GRM7: variants seen among roughly 807,000 people sequenced by gnomAD.
GRM7 encodes metabotropic glutamate receptor 7.
In GRM7, 35 loss-of-function variants were observed where a neutral mutation model predicts 84.5. The observed-to-expected ratio is 0.41, with a 90% CI of 0.32 to 0.55. The LOEUF is 0.55. GRM7 is among the 20% of genes least tolerant of loss of function. The pLI is 0.19. For missense variants in GRM7, 1,003 were observed against 1,194.6 expected (o/e 0.84, Z 2.36); for synonymous variants, 487 against 455.1 (o/e 1.07, Z -0.89).
chr3:7,487,197 A>G (rs545980232), intron 7 of GRM7, among the ~76,000 whole-genome samples: 2 of 152,192 alleles, frequency 1.3e-5, no homozygotes, highest in Admixed American at 1.3e-4. Flanking sequence ...CTGTGTGGCT[A>G]CTTTTGGCTG....
rs183787890 is a variant in GRM7, at chr3:6,934,693, C to T, written c.519+72786C>T. Among the ~76,000 whole-genome samples the T allele has an allele frequency of 5.6e-3, 847 of 152,150 alleles. 32 individuals are homozygous for T. Among genetic ancestry groups the T allele is most frequent in the Admixed American group, 0.05 (766 of 15,294 alleles). Reference sequence around the variant, plus strand: ...TGTTGTGGTGCAGGTGAGACATGATCTAGTTTAAATGAGGACGGTGGCAGG... The same window carrying T: ...TGTTGTGGTGCAGGTGAGACATGATTTAGTTTAAATGAGGACGGTGGCAGG... On this transcript the variant is annotated intron_variant, in intron 1 of 9. Coordinates refer to ENST00000357716, the MANE Select transcript of GRM7 (RefSeq NM_000844.4).
intron 7 of GRM7, among the ~76,000 whole-genome samples, chr3:7,485,995 G>A (rs1189640153): frequency 6.6e-6 from 1 of 151,870 alleles, no homozygotes; most frequent in African/African-American, 2.4e-5. Flanking sequence ...AATGTGTAAG[G>A]GCACATATAT....
intron 1 of GRM7, among the ~76,000 whole-genome samples, chr3:6,867,596 T>C (rs1694980498): frequency 6.6e-6 from 1 of 152,206 alleles, no homozygotes; most frequent in African/African-American, 2.4e-5. Flanking sequence ...CACTCTACAG[T>C]AAGCAACAAG....
intron 5 of GRM7, among the ~76,000 whole-genome samples, chr3:7,442,577 T>G (rs547547235): frequency 6.6e-6 from 1 of 152,292 alleles, no homozygotes; most frequent in Non-Finnish European, 1.5e-5. Flanking sequence ...CCCTTATGTC[T>G]TCTCTGTGTG....
chr3:7,330,668 A>G (rs896568444), intron 4 of GRM7, among the ~76,000 whole-genome samples: 1 of 152,188 alleles, frequency 6.6e-6, no homozygotes, highest in African/African-American at 2.4e-5. Context: ...GCCTGCCGCC[A>G]TGTAAGACAT....
chr3:7,695,946 G>A (rs1352399906), intron 9 of GRM7, among the ~76,000 whole-genome samples: 2 of 151,972 alleles, frequency 1.3e-5, no homozygotes, highest in African/African-American at 2.4e-5. Flanking sequence ...TTAAACATTC[G>A]GCTTCTCAGT....
At chr3:7,099,195 T>TAC (rs1491154402) in intron 1 of GRM7, among the ~76,000 whole-genome samples, 3 of 149,760 alleles carry the variant, frequency 2.0e-5, no homozygotes, top group African/African-American at 7.3e-5. Flanking sequence ...TATATATATA[T>TAC]ACGTATTATT....
chr3:7,053,415 C>T lies in GRM7; in HGVS notation c.520-93037C>T, dbSNP rs78462919. 5.4e-3 allele frequency among the ~76,000 whole-genome samples: 816 copies of T among 151,578 alleles called. 16 individuals are homozygous for T. The highest frequency in any genetic ancestry group is 0.037 in the East Asian group (188 of 5,140). On this transcript the variant is annotated intron_variant, in intron 1 of 9. Coordinates refer to ENST00000357716, the MANE Select transcript of GRM7 (RefSeq NM_000844.4). ...AATGTTGAAGAAGTCCAATTTATCC[C>T]TGTTTCTGTCTTTTATTCTTTTGTG... is the stretch of plus-strand genomic sequence containing the variant.
chr3:7,145,469 G>T (rs1694078084), intron 1 of GRM7, among the ~76,000 whole-genome samples: 1 of 152,138 alleles, frequency 6.6e-6, no homozygotes, highest in African/African-American at 2.4e-5. Flanking sequence ...CTGGCCTTAG[G>T]CTACCTGAAA....
At chr3:7,551,752 T>A (rs1693488459) in intron 7 of GRM7, among the ~76,000 whole-genome samples, 1 of 152,254 alleles carries the variant, frequency 6.6e-6, no homozygotes, top group Admixed American at 6.5e-5. Flanking sequence ...AATAAAAGTA[T>A]AAATGTGAAT....
intron 4 of GRM7, among the ~76,000 whole-genome samples, chr3:7,391,486 A>T (rs1332052432): frequency 6.6e-6 from 1 of 151,864 alleles, no homozygotes; most frequent in Non-Finnish European, 1.5e-5. Context: ...GCATGTTCTC[A>T]CTCATAGGTG....
At chr3:7,284,922 A>G (rs1406819610) in intron 2 of GRM7, among the ~76,000 whole-genome samples, 2 of 152,198 alleles carry the variant, frequency 1.3e-5, no homozygotes, top group Non-Finnish European at 2.9e-5. Context: ...CCCAATAAAA[A>G]TGATGCTAAT....
chr3:7,378,806 T>A (rs1694465236), intron 4 of GRM7, among the ~76,000 whole-genome samples: 1 of 152,212 alleles, frequency 6.6e-6, no homozygotes, highest in South Asian at 2.1e-4. Flanking sequence ...TTGCCACATT[T>A]GATTCATCTA....
At chr3:7,476,366 T>C (rs559754464) in intron 7 of GRM7, among the ~76,000 whole-genome samples, 15 of 152,178 alleles carry the variant, frequency 9.9e-5, no homozygotes, top group African/African-American at 3.6e-4. Flanking sequence ...GCTAACATGA[T>C]GAAAACCCGT....
At chr3:7,357,686 T>A (rs1256304044) in intron 4 of GRM7, among the ~76,000 whole-genome samples, 2 of 152,132 alleles carry the variant, frequency 1.3e-5, no homozygotes, top group African/African-American at 2.4e-5. Context: ...GCATGCCCCT[T>A]GCAGCTCATC....
Position 7,679,398 on chromosome 3 carries a change from G to GGGAGTTGCATCTCATTAGTATTAATTACT in GRM7, c.2452-651_2452-650insGGAGTTGCATCTCATTAGTATTAATTACT, listed in dbSNP as rs1334684232. ...CCAAACTGCAAATAACACAACTCCA[G>GGGAGTTGCATCTCATTAGTATTAATTACT]AATAAGGCGTTGCATCTCATTAGTA... On this transcript the variant is annotated intron_variant, in intron 8 of 9. Coordinates refer to ENST00000357716, the MANE Select transcript of GRM7 (RefSeq NM_000844.4). 4.6e-3 allele frequency among the ~76,000 whole-genome samples: 701 copies of GGGAGTTGCATCTCATTAGTATTAATTACT among 152,202 alleles called. 16 individuals are homozygous for GGGAGTTGCATCTCATTAGTATTAATTACT. The East Asian group carries it at 0.088, about 19-fold the overall frequency.
At chr3:7,582,590 C>G (rs1451890109) in intron 8 of GRM7, among the ~76,000 whole-genome samples, 1 of 152,054 alleles carries the variant, frequency 6.6e-6, no homozygotes, top group East Asian at 1.9e-4. Context: ...AGGAAAGTGG[C>G]TTGAAGAAAG....
intron 7 of GRM7, among the ~76,000 whole-genome samples, chr3:7,494,064 A>G (rs1282239021): frequency 1.3e-5 from 2 of 152,072 alleles, no homozygotes; most frequent in Non-Finnish European, 2.9e-5. Context: ...AGACTATTTT[A>G]TGTGCCCATA....
chr3:7,427,220 A>G (rs190156799), intron 5 of GRM7, among the ~76,000 whole-genome samples: 1 of 152,360 alleles, frequency 6.6e-6, no homozygotes, highest in East Asian at 1.9e-4. Flanking sequence ...ACTGTAATAT[A>G]TTAGCCATTT....
Sources: gnomAD v4.1 joint callset for allele counts (sites outside exome capture counted in the v4.1 genomes callset) on GRCh38, gnomAD v4.1.1 for gene constraint, MANE v1.5 for transcripts, NCBI Gene and HGNC (gene_info 2026-07-23, HGNC 2026-07-21) for gene names.